DNAH11: variants seen among roughly 807,000 people sequenced by gnomAD.
DNAH11 encodes dynein axonemal heavy chain 11, also known as axonemal beta dynein heavy chain 11.
A neutral mutation model predicts 526.0 loss-of-function variants in DNAH11; 442 were observed. The ratio of observed to expected loss-of-function variants is 0.84; its 90% CI spans 0.78 to 0.91. The LOEUF (loss-of-function observed/expected upper bound fraction) is 0.91, where lower values mean the gene tolerates loss of function less well. DNAH11 is among the 40% of genes least tolerant of loss of function. DNAH11 has a pLI of 0.00. For missense variants in DNAH11, 6,989 were observed against 5,448.7 expected (o/e 1.28, Z -8.90); for synonymous variants, 2,461 against 1,935.9 (o/e 1.27, Z -7.12).
chr7:21,867,187 TG>T (rs1370681916), intron 71 of DNAH11, among the ~76,000 whole-genome samples: 1 of 152,232 alleles, frequency 6.6e-6, no homozygotes, highest in African/African-American at 2.4e-5. Flanking sequence ...TAAATGGTAA[TG>T]TGCTGCTTAA....
At chr7:21,774,877 AGACTAGAAATACTG>A (rs1383349967) in intron 56 of DNAH11, among the ~76,000 whole-genome samples, 46 of 152,314 alleles carry the variant, frequency 3.0e-4, no homozygotes, top group Middle Eastern at 3.4e-3. Flanking sequence ...GATCACCTCA[AGACTAGAAATACTG>A]GTGGCCTTCT....
rs760295233 is a variant in DNAH11 at position 21,570,149 on chromosome 7, C to T, written c.1275C>T (p.Asn425=). 19 of 1,613,356 alleles carry T rather than the reference C, an allele frequency of 1.2e-5. No homozygotes were observed. The South Asian group carries it at 1.5e-4, about 13-fold the overall frequency. The change falls in exon 7 of 82, where the codon AAC becomes AAT. Residue 425 remains asparagine (N), a synonymous_variant. Coordinates refer to ENST00000409508, the MANE Select transcript of DNAH11 (RefSeq NM_001277115.2). Reference sequence around the variant, plus strand: ...TGGAAAAGGTGCAGGTGGCTGTTAACATCTTAAAGACTTTCAAAAACTCCT... The same window carrying T: ...TGGAAAAGGTGCAGGTGGCTGTTAATATCTTAAAGACTTTCAAAAACTCCT... The part of the protein sequence containing the change: ...ESLEKVQVAV[N]ILKTFKNSFF...
intron 54 of DNAH11, among the ~76,000 whole-genome samples, chr7:21,758,477 C>G (rs1234449348): frequency 6.6e-6 from 1 of 152,096 alleles, no homozygotes; most frequent in Admixed American, 6.6e-5. Context: ...CCGTGATGTG[C>G]TGAGTCCTTG....
intron 8 of DNAH11, among the ~76,000 whole-genome samples, chr7:21,579,365 C>T (rs952279087): frequency 1.3e-5 from 2 of 152,174 alleles, no homozygotes; most frequent in African/African-American, 4.8e-5. Flanking sequence ...ATAAACCTGG[C>T]AGTTACACTC....
chr7:21,548,393 A>G (rs898484101), intron 2 of DNAH11, among the ~76,000 whole-genome samples: 4 of 152,218 alleles, frequency 2.6e-5, no homozygotes, highest in South Asian at 2.1e-4. Flanking sequence ...CCATGTTTGT[A>G]TTAATAGTTG....
chr7:21,837,149 G>T (rs1782026215), intron 65 of DNAH11, among the ~76,000 whole-genome samples: 1 of 152,192 alleles, frequency 6.6e-6, no homozygotes, highest in South Asian at 2.1e-4. Context: ...TGGTGGAAAT[G>T]TAAATCGGTA....
At chr7:21,819,325 T>A (rs1371247118) in intron 65 of DNAH11, among the ~76,000 whole-genome samples, 1 of 152,184 alleles carries the variant, frequency 6.6e-6, no homozygotes, top group Non-Finnish European at 1.5e-5. Context: ...ACTAACTTCT[T>A]GGTCTCTAAC....
chr7:21,716,794 G>T (rs943878211), intron 42 of DNAH11, among the ~76,000 whole-genome samples: 4 of 152,080 alleles, frequency 2.6e-5, no homozygotes, highest in Admixed American at 2.6e-4. Context: ...CATTTCTCTT[G>T]GACCTGAAAA....
intron 20 of DNAH11, among the ~76,000 whole-genome samples, chr7:21,614,187 T>G (rs549681902): frequency 1.3e-5 from 2 of 152,334 alleles, no homozygotes; most frequent in South Asian, 4.1e-4. Context: ...TATAGGTATT[T>G]AAAGTTCAAA....
intron 65 of DNAH11, among the ~76,000 whole-genome samples, chr7:21,825,491 G>A (rs191463852): frequency 7.2e-4 from 110 of 152,286 alleles, no homozygotes; most frequent in African/African-American, 2.5e-3. Flanking sequence ...TAGTATATAA[G>A]AATTGTGGAG....
chr7:21,727,417 C>G (rs1373734651), intron 45 of DNAH11, among the ~76,000 whole-genome samples: 1 of 152,160 alleles, frequency 6.6e-6, no homozygotes, highest in Non-Finnish European at 1.5e-5. Flanking sequence ...GTATAACGTT[C>G]TTCTTATACC....
intron 61 of DNAH11, among the ~76,000 whole-genome samples, chr7:21,798,079 G>A (rs918794065): frequency 3.9e-5 from 6 of 152,186 alleles, no homozygotes; most frequent in African/African-American, 1.4e-4. Context: ...TCAGTAAGAG[G>A]CAGAGGAACT....
At chr7:21,684,028 G>C (rs1783260080) in intron 32 of DNAH11, 84 bp downstream of exon 32, 73 of 1,316,724 alleles carry the variant, frequency 5.5e-5, no homozygotes, top group Non-Finnish European at 7.4e-5. Context: ...AGGAATGAGA[G>C]GAAACGATGA....
chr7:21,543,225 G>T lies in DNAH11; in HGVS notation c.-21G>T. The T allele has an allele frequency of 6.7e-7, 1 of 1,502,786 alleles. No homozygotes were observed. The highest frequency in any genetic ancestry group is 8.9e-7 in the Non-Finnish European group (1 of 1,127,494). 93.1% of individuals were successfully genotyped at this position (1,502,786 alleles called of 1,614,324 possible). A position where few individuals can be genotyped will look rare whatever the true frequency, so the allele number is the denominator to read the frequency against. ...CGGGTGAGGAGCCAGCCGGCCTCGC[G>T]TTCCCTCGGACGGTTGCCCAATGGC... On this transcript the variant is annotated 5_prime_UTR_variant, in exon 1 of 82. Transcript: ENST00000409508.
chr7:21,835,505 G>T (rs1257640748), intron 65 of DNAH11, among the ~76,000 whole-genome samples: 1 of 151,576 alleles, frequency 6.6e-6, no homozygotes, highest in Non-Finnish European at 1.5e-5. Context: ...AGAATCAAGG[G>T]GAAAAAACAT....
chr7:21,735,170 A>C (rs957228053), intron 45 of DNAH11, among the ~76,000 whole-genome samples: 1 of 152,238 alleles, frequency 6.6e-6, no homozygotes, highest in Non-Finnish European at 1.5e-5. Context: ...ACACCGTCTC[A>C]GAACAAACAA....
rs192412370 is a variant in DNAH11 at position 21,612,391 on chromosome 7, T to C, written c.3853-2723T>C. Among the ~76,000 whole-genome samples, 403 of 151,592 alleles carry C rather than the reference T, an allele frequency of 2.7e-3. 1 individual carries two copies. Among genetic ancestry groups the C allele is most frequent in the African/African-American group, 9.1e-3 (376 of 41,320 alleles). On this transcript the variant is annotated intron_variant, in intron 20 of 81. Coordinates refer to ENST00000409508, the MANE Select transcript of DNAH11 (RefSeq NM_001277115.2). ...TAATACGGTGAAACCCTGTCTCTAC[T>C]AAAAATACAAAAAATTAGCCGGGCG...
At chr7:21,804,522 C>T (rs971283856) in intron 62 of DNAH11, among the ~76,000 whole-genome samples, 1 of 152,176 alleles carries the variant, frequency 6.6e-6, no homozygotes, top group East Asian at 1.9e-4. Flanking sequence ...ACTCATAATT[C>T]ACCCTGCAAA....
chr7:21,840,660 A>C (rs1418108877), intron 65 of DNAH11, among the ~76,000 whole-genome samples: 1 of 152,184 alleles, frequency 6.6e-6, no homozygotes, highest in Non-Finnish European at 1.5e-5. Flanking sequence ...AGAGACCATG[A>C]AGCTTGTATG....
Sources: gnomAD v4.1 joint callset for allele counts (sites outside exome capture counted in the v4.1 genomes callset) on GRCh38, gnomAD v4.1.1 for gene constraint, MANE v1.5 for transcripts, NCBI Gene and HGNC (gene_info 2026-07-23, HGNC 2026-07-21) for gene names.